The following PCNX1 variants were observed in gnomAD, a reference collection of about 807,000 sequenced individuals.
PCNX1 encodes pecanex-like protein 1.
PCNX1 carries 78 observed loss-of-function variants against 242.2 expected under a neutral mutation model. The ratio of observed to expected loss-of-function variants is 0.32; its 90% CI spans 0.27 to 0.39. PCNX1 has a LOEUF of 0.39. Among genes scored for constraint, PCNX1 ranks in the 10% least tolerant of loss-of-function variants. PCNX1 has a pLI of 1.00. For synonymous variants in PCNX1, 1,024 were observed against 1,032.9 expected (o/e 0.99, Z 0.17); for missense variants, 2,581 against 2,856.5 (o/e 0.90, Z 2.20).
intron 12 of PCNX1, among the ~76,000 whole-genome samples, chr14:71,019,932 C>T (rs953401227): frequency 6.6e-6 from 1 of 152,042 alleles, no homozygotes; most frequent in Non-Finnish European, 1.5e-5. Flanking sequence ...CTATCCCTCC[C>T]CTACCCTCCG....
chr14:71,074,392 G>A (rs2061660253), intron 27 of PCNX1, among the ~76,000 whole-genome samples: 2 of 152,158 alleles, frequency 1.3e-5, no homozygotes, highest in African/African-American at 2.4e-5. Context: ...AAACACCCAC[G>A]GAACTCAGCA....
chr14:71,023,383 C>G, intron 13 of PCNX1, 151 bp downstream of exon 13: 1 of 627,200 alleles, frequency 1.6e-6, no homozygotes, highest in South Asian at 2.0e-5. Context: ...TTTTGACACA[C>G]TACTAGAAAT....
Position 71,111,744 on chromosome 14 carries a change from TC to T in PCNX1, c.*1810del, listed in dbSNP as rs1385035558. On this transcript the variant is annotated 3_prime_UTR_variant, in exon 36 of 36. Coordinates refer to ENST00000304743, the MANE Select transcript of PCNX1 (RefSeq NM_014982.3). ...TTTTTCTAATTTTAAACTTTTGTGG[TC>T]ATTCAGAACCTAATGTGCCTTGTGT... 2.0e-5 allele frequency: 3 copies of T among 152,176 alleles called. No homozygotes were observed. The highest frequency in any genetic ancestry group is 7.2e-5 in the African/African-American group (3 of 41,466). 9.4% of individuals were successfully genotyped at this position (152,176 alleles called of 1,614,324 possible).
Position 70,971,115 on chromosome 14 carries a change from GTTTTTTTTTTTTTTTTTTTTTTTT to G in PCNX1, c.604+2022_604+2045del, listed in dbSNP as rs1046870052. On this transcript the variant is annotated intron_variant, in intron 5 of 35. Transcript: ENST00000304743. ...AATCTATGCTATACTACTTTATATA[GTTTTTTTTTTTTTTTTTTTTTTTT>G]TTTTTTTTTTTTTTTTGAGACGGAG... Among the ~76,000 whole-genome samples the G allele has an allele frequency of 4.1e-4, 6 of 14,510 alleles. 2 individuals are homozygous for G. In the South Asian group the frequency reaches 0.012, roughly 29 times the overall value. 9.5% of individuals were successfully genotyped at this position (14,510 alleles called of 152,430 possible). A position where few individuals can be genotyped will look rare whatever the true frequency, so the allele number is the denominator to read the frequency against.
chr14:71,073,630 T>C lies in PCNX1; in HGVS notation c.4938T>C (p.His1646=), dbSNP rs750297506. Reference sequence around the variant, plus strand: ...GATTTTGCTGTTGTGAACCTGGCCATATTCCTCACATGCTTTCATTTAATG... The same window carrying C: ...GATTTTGCTGTTGTGAACCTGGCCACATTCCTCACATGCTTTCATTTAATG... ...DEGFCCCEPG[H]IPHMLSFNAA... The change falls in exon 27 of 36, where the codon CAT becomes CAC. Residue 1646 remains histidine, a synonymous_variant. Transcript: ENST00000304743. 2 of 1,612,964 alleles carry C rather than the reference T, an allele frequency of 1.2e-6. No homozygotes were observed. The highest frequency in any genetic ancestry group is 1.7e-6 in the Non-Finnish European group (2 of 1,178,962).
chr14:71,058,748 T>C (rs972476031), intron 26 of PCNX1, among the ~76,000 whole-genome samples: 10 of 152,232 alleles, frequency 6.6e-5, no homozygotes, highest in African/African-American at 1.9e-4. Flanking sequence ...AATAAATCTT[T>C]AGCTATGCAG....
chr14:71,033,968 G>A lies in PCNX1; in HGVS notation c.3706G>A (p.Glu1236Lys), dbSNP rs780849431. The A allele has an allele frequency of 3.7e-6, 6 of 1,607,012 alleles. No homozygotes were observed. Among genetic ancestry groups the A allele is most frequent in the Non-Finnish European group, 5.1e-6 (6 of 1,176,498 alleles). The part of the protein sequence containing the change: ...VQSKIFPKTE[E>K]KNPEDPLSEV... Reference sequence around the variant, plus strand: ...ATCCAAGATTTTTCCAAAAACGGAAGAGAAAAATCCAGAAGACCCTCTATC... The same window carrying A: ...ATCCAAGATTTTTCCAAAAACGGAAAAGAAAAATCCAGAAGACCCTCTATC... Residue 1236 changes from glutamate to lysine, a missense_variant, in exon 18 of 36, where the codon GAG (glutamate) becomes AAG (lysine). Physicochemically the swap from Glu to Lys is moderately conservative, Grantham distance 56. Transcript: ENST00000304743.
intron 1 of PCNX1, among the ~76,000 whole-genome samples, chr14:70,929,359 C>T (rs2056706628): frequency 6.6e-6 from 1 of 151,804 alleles, no homozygotes; most frequent in South Asian, 2.1e-4. Context: ...AAGTATCCCT[C>T]AGCCAAGAAG....
In PCNX1 at chr14:71,114,109, C is replaced by T. The variant is rs1217248981; in HGVS notation, c.*4174C>T. On this transcript the variant is annotated 3_prime_UTR_variant, in exon 36 of 36. Coordinates refer to ENST00000304743, the MANE Select transcript of PCNX1 (RefSeq NM_014982.3). The stretch of plus-strand genomic sequence containing the variant: ...ATGGAACTTGCTAATGGAGGTTGGA[C>T]ATTCTGTTTCAGTCTTACATGGATA... 6.6e-6 allele frequency: 1 copy of T among 152,118 alleles called. No individual in the cohort carries two copies. The highest frequency in any genetic ancestry group is 1.5e-5 in the Non-Finnish European group (1 of 68,018). 9.4% of individuals were successfully genotyped at this position (152,118 alleles called of 1,614,324 possible). A position where few individuals can be genotyped will look rare whatever the true frequency, so the allele number is the denominator to read the frequency against.
chr14:70,948,589 A>G (rs1367294013), intron 2 of PCNX1, among the ~76,000 whole-genome samples: 1 of 145,156 alleles, frequency 6.9e-6, no homozygotes, highest in Non-Finnish European at 1.6e-5. Context: ...ACATATGCAT[A>G]TATAGATATG....
At chr14:70,979,858 C>T (rs188021977) in intron 6 of PCNX1, among the ~76,000 whole-genome samples, 30 of 151,908 alleles carry the variant, frequency 2.0e-4, no homozygotes, top group African/African-American at 7.2e-4. Flanking sequence ...TATAGTTTAT[C>T]AAACCTAAAT....
chr14:71,068,367 C>A (rs956156214), intron 26 of PCNX1, among the ~76,000 whole-genome samples: 4 of 149,992 alleles, frequency 2.7e-5, no homozygotes, highest in African/African-American at 9.8e-5. Flanking sequence ...TGTATACATA[C>A]ATGTATACAT....
At chr14:70,908,783 G>A (rs945590662) in intron 1 of PCNX1, among the ~76,000 whole-genome samples, 11 of 152,232 alleles carry the variant, frequency 7.2e-5, no homozygotes, top group African/African-American at 2.7e-4. Context: ...CAAGGCCTTT[G>A]GCGGATAGGA....
rs77527636 is a variant in PCNX1 at position 71,110,222 on chromosome 14, C to G, written c.*287C>G. The G allele has an allele frequency of 2.4e-6, 1 of 413,626 alleles. No homozygotes were observed. Among genetic ancestry groups the G allele is most frequent in the East Asian group, 5.2e-5 (1 of 19,262 alleles). 25.6% of individuals were successfully genotyped at this position (413,626 alleles called of 1,614,324 possible). Reference sequence around the variant, plus strand: ...AAATACATCCTTAAAAAAAGTTTTTCCTATGCATTGCCTATGCTTTAAATC... The same window carrying G: ...AAATACATCCTTAAAAAAAGTTTTTGCTATGCATTGCCTATGCTTTAAATC... On this transcript the variant is annotated 3_prime_UTR_variant, in exon 36 of 36. Coordinates refer to ENST00000304743, the MANE Select transcript of PCNX1 (RefSeq NM_014982.3).
chr14:71,073,142 A>T (rs986107443), intron 26 of PCNX1, among the ~76,000 whole-genome samples: 5 of 152,162 alleles, frequency 3.3e-5, no homozygotes, highest in African/African-American at 1.2e-4. Context: ...AAAATACAAA[A>T]ATTAGCTGGG....
intron 23 of PCNX1, among the ~76,000 whole-genome samples, chr14:71,051,521 G>A (rs1384549355): frequency 1.3e-5 from 2 of 152,088 alleles, no homozygotes; most frequent in Non-Finnish European, 2.9e-5. Context: ...AATAGTAAGG[G>A]TTAGTAACCA....
intron 26 of PCNX1, 24 bp downstream of exon 26, chr14:71,057,748 T>A (rs2061220536): frequency 6.6e-7 from 1 of 1,505,428 alleles, no homozygotes; most frequent in African/African-American, 1.4e-5. Flanking sequence ...TCACCTTTTA[T>A]TTCTGTAGCA....
intron 26 of PCNX1, among the ~76,000 whole-genome samples, 172 bp from the exon 27 acceptor site, chr14:71,073,373 C>T (rs1042151437): frequency 3.9e-5 from 6 of 152,290 alleles, no homozygotes; most frequent in African/African-American, 1.4e-4. Context: ...ATAGAATATG[C>T]GTGATTTCTG....
At chr14:70,984,551 T>C (rs1045127637) in intron 6 of PCNX1, among the ~76,000 whole-genome samples, 2 of 151,108 alleles carry the variant, frequency 1.3e-5, no homozygotes, top group African/African-American at 4.8e-5. Flanking sequence ...CACGCCCGGC[T>C]AATTTTTTGT....
Sources: gnomAD v4.1 joint callset for allele counts (sites outside exome capture counted in the v4.1 genomes callset) on GRCh38, gnomAD v4.1.1 for gene constraint, MANE v1.5 for transcripts, NCBI Gene and HGNC (gene_info 2026-07-23, HGNC 2026-07-21) for gene names.